IL1RAPL1: variants seen among roughly 807,000 people sequenced by gnomAD.
IL1RAPL1 encodes the protein interleukin-1 receptor accessory protein-like 1.
In IL1RAPL1, 3 loss-of-function variants were observed where a neutral mutation model predicts 48.4. The ratio of observed to expected loss-of-function variants is 0.06; its 90% CI spans 0.03 to 0.16. The LOEUF (loss-of-function observed/expected upper bound fraction) is 0.16, where lower values mean the gene tolerates loss of function less well. IL1RAPL1 is among the 10% of genes least tolerant of loss of function. IL1RAPL1 has a pLI of 1.00. For missense variants in IL1RAPL1, 349 were observed against 530.6 expected, an observed-to-expected ratio of 0.66 and a Z score of 3.36; for synonymous variants, 185 against 187.7, an observed-to-expected ratio of 0.99 and a Z score of 0.12.
chrX:29,310,514 G>A (rs776850395), intron 3 of IL1RAPL1, among the ~76,000 whole-genome samples: 2 of 111,538 alleles, frequency 1.8e-5, no homozygotes, highest in South Asian at 7.5e-4. Flanking sequence ...AGAAATAATT[G>A]TCTTTGGAAT....
chrX:28,625,737 C>CGTGTGTGT (rs112613600), intron 1 of IL1RAPL1, among the ~76,000 whole-genome samples: 15 of 99,314 alleles, frequency 1.5e-4, no homozygotes, highest in South Asian at 4.6e-4. Context: ...AATCAAAATG[C>CGTGTGTGT]GTGTGTGTGT....
intron 5 of IL1RAPL1, among the ~76,000 whole-genome samples, chrX:29,595,556 T>C (rs1923518064): frequency 8.9e-6 from 1 of 112,134 alleles, no homozygotes; most frequent in Admixed American, 9.5e-5. Context: ...AGTTGTCTGT[T>C]TGTGTCCTTA....
chrX:28,668,220 C>A (rs1286182489), intron 1 of IL1RAPL1, among the ~76,000 whole-genome samples: 1 of 111,587 alleles, frequency 9.0e-6, no homozygotes, highest in Non-Finnish European at 1.9e-5. Flanking sequence ...CAATCATAGG[C>A]AATGCCACTG....
At chrX:28,660,759 C>A (rs933980604) in intron 1 of IL1RAPL1, among the ~76,000 whole-genome samples, 3 of 111,169 alleles carry the variant, frequency 2.7e-5, no homozygotes, top group African/African-American at 9.8e-5. Flanking sequence ...CAGCTTATAT[C>A]GAAGAAAAGT....
At chrX:29,320,777 G>A (rs1352014559) in intron 3 of IL1RAPL1, among the ~76,000 whole-genome samples, 1 of 110,103 alleles carries the variant, frequency 9.1e-6, no homozygotes, top group South Asian at 3.8e-4. Context: ...AAAAAAAAAG[G>A]AATGAATATT....
At chrX:29,039,785 C>CA (rs35505034) in intron 2 of IL1RAPL1, among the ~76,000 whole-genome samples, 2,581 of 61,789 alleles carry the variant, frequency 0.042, 44 homozygotes, top group Non-Finnish European at 0.053. Context: ...TAACAATCCT[C>CA]AAAAAAAAAA....
intron 1 of IL1RAPL1, among the ~76,000 whole-genome samples, chrX:28,757,146 C>CA (rs767851917): frequency 8.5e-4 from 95 of 112,198 alleles, no homozygotes; most frequent in Non-Finnish European, 1.4e-3. Context: ...GCAGTAGATG[C>CA]AAAAAATTTG....
chrX:28,885,345 G>A (rs745790204), intron 2 of IL1RAPL1, among the ~76,000 whole-genome samples: 2 of 110,851 alleles, frequency 1.8e-5, no homozygotes, highest in Non-Finnish European at 3.8e-5. Context: ...CTTTCGCAGT[G>A]TTTTTCTTAT....
At chrX:29,381,644 G>A (rs1354469633) in intron 3 of IL1RAPL1, among the ~76,000 whole-genome samples, 3 of 101,800 alleles carry the variant, frequency 2.9e-5, no homozygotes, top group Non-Finnish European at 5.9e-5. Flanking sequence ...GAGAGATACC[G>A]CCTCTACAGA....
intron 6 of IL1RAPL1, among the ~76,000 whole-genome samples, chrX:29,813,766 C>T (rs1348650841): frequency 1.8e-5 from 2 of 110,623 alleles, no homozygotes; most frequent in African/African-American, 6.6e-5. Flanking sequence ...TGGTAATCTG[C>T]AGTGTCTGTT....
At chrX:29,861,459 G>C (rs912435271) in intron 6 of IL1RAPL1, among the ~76,000 whole-genome samples, 2 of 111,587 alleles carry the variant, frequency 1.8e-5, no homozygotes. Flanking sequence ...GCCAAGTAAT[G>C]CTTTAATGAA....
chrX:29,322,305 C>G (rs929709143), intron 3 of IL1RAPL1, among the ~76,000 whole-genome samples: 1 of 106,432 alleles, frequency 9.4e-6, no homozygotes, highest in African/African-American at 3.4e-5. Context: ...TCTTTCTTGT[C>G]GCCCAGGCTG....
intron 2 of IL1RAPL1, among the ~76,000 whole-genome samples, chrX:28,916,505 T>G (rs1215254622): frequency 8.9e-6 from 1 of 112,433 alleles, no homozygotes; most frequent in East Asian, 2.8e-4. Context: ...CTGTGTATTG[T>G]CAAGCCCTAA....
chrX:29,629,227 T>C (rs1313633883), intron 5 of IL1RAPL1, among the ~76,000 whole-genome samples: 1 of 111,952 alleles, frequency 8.9e-6, no homozygotes, highest in African/African-American at 3.2e-5. Flanking sequence ...TAATTTAACC[T>C]CTGCAATAAA....
chrX:29,047,454 G>A (rs1211574396), intron 2 of IL1RAPL1, among the ~76,000 whole-genome samples: 1 of 112,355 alleles, frequency 8.9e-6, no homozygotes, highest in Admixed American at 9.5e-5. Flanking sequence ...GTCAAATGCT[G>A]CCATGGATGA....
intron 2 of IL1RAPL1, among the ~76,000 whole-genome samples, chrX:28,812,889 T>C (rs1396873462): frequency 9.0e-6 from 1 of 110,693 alleles, no homozygotes; most frequent in East Asian, 2.9e-4. Flanking sequence ...AGTTTCATTT[T>C]CTTGACATCA....
intron 1 of IL1RAPL1, among the ~76,000 whole-genome samples, chrX:28,645,339 T>C: frequency 1.6e-5 from 1 of 63,943 alleles, no homozygotes; most frequent in Non-Finnish European, 2.7e-5. Context: ...AAGAGTGAAA[T>C]TCCGCCTCAA....
intron 6 of IL1RAPL1, among the ~76,000 whole-genome samples, chrX:29,821,462 TAAAATA>T (rs1930616649): frequency 1.4e-5 from 1 of 69,042 alleles, no homozygotes. Context: ...AAATAAAAAA[TAAAATA>T]AAAATAAAAT....
chrX:28,861,693 T>C (rs1294033233), intron 2 of IL1RAPL1, among the ~76,000 whole-genome samples: 2 of 111,337 alleles, frequency 1.8e-5, no homozygotes, highest in Non-Finnish European at 3.8e-5. Context: ...CCCATTACTT[T>C]CATTGAGCAA....
Sources: gnomAD v4.1 joint callset for allele counts (sites outside exome capture counted in the v4.1 genomes callset) on GRCh38, gnomAD v4.1.1 for gene constraint, MANE v1.5 for transcripts, NCBI Gene and HGNC (gene_info 2026-07-23, HGNC 2026-07-21) for gene names.